The following KIF6 variants were observed in gnomAD, a reference collection of about 807,000 sequenced individuals.
KIF6 encodes kinesin-like protein KIF6.
A neutral mutation model predicts 112.7 loss-of-function variants in KIF6; 106 were observed. The observed-to-expected ratio is 0.94, with a 90% CI of 0.80 to 1.11. The LOEUF (loss-of-function observed/expected upper bound fraction) is 1.11, where lower values mean the gene tolerates loss of function less well. Among genes scored for constraint, KIF6 ranks in the 50% least tolerant of loss-of-function variants. The pLI is 0.00. For synonymous variants in KIF6, 339 were observed against 339.9 expected (o/e 1.00, Z 0.03); for missense variants, 929 against 964.0 (o/e 0.96, Z 0.48).
intron 22 of KIF6, among the ~76,000 whole-genome samples, chr6:39,337,252 T>TTACCAACCCTCCC (rs1763079299): frequency 1.1e-5 from 1 of 94,874 alleles, no homozygotes; most frequent in African/African-American, 5.4e-5. Context: ...TTTCTTTTCT[T>TTACCAACCCTCCC]TCCCTCCCTC....
At chr6:39,544,517 G>C in intron 12 of KIF6, 38 bp downstream of exon 12, 2 of 1,599,110 alleles carry the variant, frequency 1.3e-6, no homozygotes, top group Non-Finnish European at 1.7e-6. Context: ...TTTCAAACCA[G>C]GATAGAGGAA....
At chr6:39,430,940 C>T (rs1321045946) in intron 14 of KIF6, 113 bp downstream of exon 14, 1 of 599,086 alleles carries the variant, frequency 1.7e-6, no homozygotes, top group Non-Finnish European at 3.0e-6. Flanking sequence ...AAACATTATG[C>T]TTTTCTTGTA....
At chr6:39,656,305 A>G (rs1317871619) in intron 3 of KIF6, among the ~76,000 whole-genome samples, 1 of 152,092 alleles carries the variant, frequency 6.6e-6, no homozygotes, top group African/African-American at 2.4e-5. Context: ...TATGTGTGCT[A>G]CCTACCTATA....
At chr6:39,426,175 C>A (rs1311102813) in intron 14 of KIF6, among the ~76,000 whole-genome samples, 1 of 152,204 alleles carries the variant, frequency 6.6e-6, no homozygotes, top group Non-Finnish European at 1.5e-5. Flanking sequence ...GGGTTTCCAG[C>A]CTCTCTTCAT....
rs998249592 is a variant in KIF6, at chr6:39,651,408, C to T, written c.252-11651G>A. Among the ~76,000 whole-genome samples the T allele has an allele frequency of 1.1e-4, 16 of 152,038 alleles. 1 individual carries two copies. The South Asian group carries it at 3.1e-3, about 30-fold the overall frequency. The stretch of plus-strand genomic sequence containing the variant: ...CGGAAAGTTGAGCACTGCAGGATGG[C>T]GGGGGAGGGTAGCAGGTGGCTGCCG... On this transcript the variant is annotated intron_variant, in intron 3 of 22. Coordinates refer to ENST00000287152, the MANE Select transcript of KIF6 (RefSeq NM_145027.6).
chr6:39,346,052 C>A (rs957413915), intron 20 of KIF6, among the ~76,000 whole-genome samples: 1 of 12,102 alleles, frequency 8.3e-5, no homozygotes, highest in Non-Finnish European at 1.5e-4. Context: ...CTACAGTGCT[C>A]TCTCTCTCTC....
chr6:39,531,347 A>G (rs1778049509), intron 13 of KIF6, among the ~76,000 whole-genome samples: 1 of 152,224 alleles, frequency 6.6e-6, no homozygotes, highest in Non-Finnish European at 1.5e-5. Context: ...GACTATAATT[A>G]TAAGGAAGGA....
chr6:39,578,385 T>G (rs1343583852), intron 9 of KIF6, among the ~76,000 whole-genome samples: 1 of 144,112 alleles, frequency 6.9e-6, no homozygotes, highest in African/African-American at 2.7e-5. Flanking sequence ...CAGGCTGGAG[T>G]GCAGTGGCAT....
chr6:39,531,307 C>G lies in KIF6; in HGVS notation c.1645+8696G>C, dbSNP rs116798535. On this transcript the variant is annotated intron_variant, in intron 13 of 22. Transcript: ENST00000287152. ...CTCTAGTCTGTCTCAATAGCAATATCAAGGGAGGAAAAGAGTTACTGAAAC... is the reference window on the plus strand; with the variant it reads ...CTCTAGTCTGTCTCAATAGCAATATGAAGGGAGGAAAAGAGTTACTGAAAC... Among the ~76,000 whole-genome samples, 786 of 152,076 alleles carry G rather than the reference C, an allele frequency of 5.2e-3. 6 individuals carry two copies. Among genetic ancestry groups the G allele is most frequent in the South Asian group, 0.013 (60 of 4,798 alleles).
intron 10 of KIF6, 148 bp from the exon 11 acceptor site, chr6:39,545,836 A>T: frequency 1.9e-6 from 1 of 537,360 alleles, no homozygotes; most frequent in Non-Finnish European, 3.3e-6. Context: ...AATTAAGGGA[A>T]AAGAAACATT....
Position 39,345,791 on chromosome 6 carries a change from T to A in KIF6, c.2232-2A>T, listed in dbSNP as rs914253655. 3 of 1,611,858 alleles carry A rather than the reference T, an allele frequency of 1.9e-6. No individual in the cohort carries two copies. Among genetic ancestry groups the A allele is most frequent in the Non-Finnish European group, 2.5e-6 (3 of 1,178,816 alleles). Reference sequence around the variant, plus strand: ...AGGATTTTCCTGGCATTCACATCACTGCAAAACACAAACAAACAAAAGCAA... The same window carrying A: ...AGGATTTTCCTGGCATTCACATCACAGCAAAACACAAACAAACAAAAGCAA... On this transcript the variant is annotated splice_acceptor_variant, in intron 20 of 22. Coordinates refer to ENST00000287152, the MANE Select transcript of KIF6 (RefSeq NM_145027.6). LOFTEE classifies it high-confidence loss of function.
chr6:39,566,655 A>G (rs1187406764), intron 10 of KIF6, among the ~76,000 whole-genome samples: 18 of 152,228 alleles, frequency 1.2e-4, no homozygotes, highest in Non-Finnish European at 2.2e-4. Flanking sequence ...CAAAAATCAT[A>G]CAAATGTTAA....
At chr6:39,619,587 A>G (rs1015957218) in intron 5 of KIF6, among the ~76,000 whole-genome samples, 2 of 152,214 alleles carry the variant, frequency 1.3e-5, no homozygotes, top group Non-Finnish European at 2.9e-5. Context: ...CTGTGCTCGT[A>G]TGCTTCAATA....
chr6:39,477,122 C>T (rs1229764075), intron 13 of KIF6, among the ~76,000 whole-genome samples: 1 of 152,144 alleles, frequency 6.6e-6, no homozygotes, highest in Non-Finnish European at 1.5e-5. Context: ...AGGTGCTCAA[C>T]CTCACTCATA....
At chr6:39,723,883 T>TA (rs1400423348) in intron 1 of KIF6, among the ~76,000 whole-genome samples, 1 of 151,962 alleles carries the variant, frequency 6.6e-6, no homozygotes, top group Non-Finnish European at 1.5e-5. Context: ...CCCCAGGACT[T>TA]AAAGTATAAT....
At chr6:39,600,961 T>C (rs1782534693) in intron 6 of KIF6, among the ~76,000 whole-genome samples, 1 of 152,184 alleles carries the variant, frequency 6.6e-6, no homozygotes, top group Non-Finnish European at 1.5e-5. Flanking sequence ...CAGGGAGTTA[T>C]ATTAAATACC....
At chr6:39,338,471 C>T (rs1763147688) in intron 22 of KIF6, among the ~76,000 whole-genome samples, 2 of 152,186 alleles carry the variant, frequency 1.3e-5, no homozygotes, top group South Asian at 4.1e-4. Context: ...AAATATGGTC[C>T]TTATTTTTAA....
chr6:39,362,041 C>T (rs530412025), intron 17 of KIF6, among the ~76,000 whole-genome samples: 1 of 152,290 alleles, frequency 6.6e-6, no homozygotes, highest in African/African-American at 2.4e-5. Flanking sequence ...CTTGAGGCTC[C>T]TCACTCTGTA....
At chr6:39,515,272 G>A (rs1777007804) in intron 13 of KIF6, among the ~76,000 whole-genome samples, 1 of 152,256 alleles carries the variant, frequency 6.6e-6, no homozygotes, top group East Asian at 1.9e-4. Flanking sequence ...CAGTTCAGGA[G>A]GATTTAAAAA....
Sources: allele counts gnomAD v4.1 joint callset (sites outside exome capture counted in the v4.1 genomes callset), GRCh38; gene constraint gnomAD v4.1.1; transcripts MANE v1.5; gene names NCBI Gene and HGNC (gene_info 2026-07-23, HGNC 2026-07-21).